Variants in CPED1 observed in about 807,000 individuals in gnomAD.
CPED1 encodes the protein cadherin like and PC-esterase domain containing 1.
A neutral mutation model predicts 128.2 loss-of-function variants in CPED1; 114 were observed. That is an observed-to-expected ratio of 0.89 (90% CI 0.76 to 1.04). CPED1 has a LOEUF of 1.04. Ranked by LOEUF, CPED1 falls within the 50% of genes least tolerant of loss-of-function variation. CPED1 has a pLI of 0.00. For missense variants in CPED1, 1,211 were observed against 1,207.1 expected, an observed-to-expected ratio of 1.00 and a Z score of -0.05; for synonymous variants, 462 against 426.7, an observed-to-expected ratio of 1.08 and a Z score of -1.02.
intron 16 of CPED1, among the ~76,000 whole-genome samples, chr7:121,147,655 G>T (rs570757597): frequency 9.2e-5 from 14 of 152,044 alleles, no homozygotes; most frequent in African/African-American, 3.4e-4. Flanking sequence ...TATACATTTT[G>T]CCCTCAAAAT....
chr7:121,269,874 T>C (rs1792198596), intron 21 of CPED1, among the ~76,000 whole-genome samples: 1 of 152,092 alleles, frequency 6.6e-6, no homozygotes, highest in Non-Finnish European at 1.5e-5. Context: ...CTCACTGTTC[T>C]GCAGACTATA....
chr7:121,232,059 G>A (rs1037256172), intron 16 of CPED1, among the ~76,000 whole-genome samples: 6 of 152,108 alleles, frequency 3.9e-5, no homozygotes, highest in Non-Finnish European at 7.4e-5. Context: ...AGCCACAGTA[G>A]AGGGTAACAC....
Position 121,130,268 on chromosome 7 carries a change from A to G in CPED1, c.1551A>G (p.Lys517=). The G allele has an allele frequency of 1.2e-6, 2 of 1,606,602 alleles. No individual in the cohort carries two copies. Among genetic ancestry groups the G allele is most frequent in the Non-Finnish European group, 1.7e-6 (2 of 1,177,290 alleles). The change falls in exon 12 of 23, where the codon AAA becomes AAG. Residue 517 remains lysine, a synonymous_variant. Coordinates refer to ENST00000310396, the MANE Select transcript of CPED1 (RefSeq NM_024913.5). ...NVFEQFQFMN[K]KTQPHPLEWN... is the part of the protein sequence containing the mutation. Reference sequence around the variant, plus strand: ...TTGAACAATTTCAGTTCATGAATAAAAAGACACAGCCACATCCACTGGAAT... The same window carrying G: ...TTGAACAATTTCAGTTCATGAATAAGAAGACACAGCCACATCCACTGGAAT...
At chr7:121,281,274 A>G (rs12539842) in intron 22 of CPED1, among the ~76,000 whole-genome samples, 6,664 of 152,248 alleles carry the variant, frequency 0.044, 223 homozygotes, top group Middle Eastern at 0.099. Context: ...CAGTTAATTG[A>G]TATGGCAATA....
chr7:120,996,530 T>C (rs1796408619), intron 2 of CPED1, among the ~76,000 whole-genome samples: 1 of 152,178 alleles, frequency 6.6e-6, no homozygotes, highest in Non-Finnish European at 1.5e-5. Context: ...GATCTGGATT[T>C]CCTCCTTGTG....
At chr7:121,070,594 A>AC (rs1793959394) in intron 5 of CPED1, among the ~76,000 whole-genome samples, 2 of 152,162 alleles carry the variant, frequency 1.3e-5, no homozygotes, top group Non-Finnish European at 2.9e-5. Flanking sequence ...TTGCATTTTT[A>AC]TAAAAGAAGC....
intron 17 of CPED1, among the ~76,000 whole-genome samples, chr7:121,242,696 ACT>A (rs1271602585): frequency 1.3e-5 from 2 of 151,980 alleles, no homozygotes; most frequent in African/African-American, 4.8e-5. Flanking sequence ...AGAACAAATG[ACT>A]CTGCATTCCT....
intron 16 of CPED1, among the ~76,000 whole-genome samples, chr7:121,222,460 A>C (rs1797903374): frequency 6.6e-6 from 1 of 152,034 alleles, no homozygotes; most frequent in Non-Finnish European, 1.5e-5. Flanking sequence ...GTTCCATATG[A>C]ATTTTAGAGT....
At chr7:121,237,056 A>G (rs1798275923) in intron 17 of CPED1, among the ~76,000 whole-genome samples, 1 of 152,134 alleles carries the variant, frequency 6.6e-6, no homozygotes, top group Non-Finnish European at 1.5e-5. Flanking sequence ...ATCCATATTC[A>G]TCTGCAGATA....
At chr7:121,131,611 C>T (rs776316655) in intron 12 of CPED1, among the ~76,000 whole-genome samples, 1 of 150,378 alleles carries the variant, frequency 6.6e-6, no homozygotes, top group Non-Finnish European at 1.5e-5. Flanking sequence ...AAGCAGTGTT[C>T]TGATCTTAAA....
At chr7:121,152,255 C>T (rs11983939) in intron 16 of CPED1, among the ~76,000 whole-genome samples, 15,536 of 152,104 alleles carry the variant, frequency 0.1, 848 homozygotes, top group South Asian at 0.17. Flanking sequence ...GCTCCCCACC[C>T]CTCCACATGC....
intron 6 of CPED1, among the ~76,000 whole-genome samples, chr7:121,098,592 C>T (rs1206752716): frequency 1.3e-5 from 2 of 151,158 alleles, no homozygotes; most frequent in African/African-American, 4.9e-5. Flanking sequence ...ATTAGCCAGG[C>T]ACAGTGGTGC....
chr7:121,169,366 C>T (rs1024646361), intron 16 of CPED1, among the ~76,000 whole-genome samples: 8 of 151,848 alleles, frequency 5.3e-5, no homozygotes, highest in Non-Finnish European at 1.0e-4. Context: ...TCCTATTTCC[C>T]GTTTTAAAAA....
intron 16 of CPED1, among the ~76,000 whole-genome samples, chr7:121,166,753 A>G (rs543899408): frequency 1.3e-5 from 2 of 152,312 alleles, no homozygotes; most frequent in African/African-American, 4.8e-5. Flanking sequence ...TAAAAAATAT[A>G]TACAGTAGGC....
intron 2 of CPED1, among the ~76,000 whole-genome samples, chr7:121,007,231 A>ATTTTTTTTT (rs398006038): frequency 6.2e-5 from 8 of 129,826 alleles, no homozygotes; most frequent in Non-Finnish European, 9.6e-5. Context: ...TTCAGGTTGC[A>ATTTTTTTTT]TTTTTTTTTT....
Position 121,211,613 on chromosome 7 carries a change from G to T in CPED1, c.2056-25101G>T, listed in dbSNP as rs1182054078. 4.8e-4 allele frequency among the ~76,000 whole-genome samples: 29 copies of T among 59,842 alleles called. No individual in the cohort carries two copies. The South Asian group carries it at 0.014, about 30-fold the overall frequency. The allele number at this position is 59,842 out of a possible 152,430, so 39.3% of individuals were successfully genotyped here. On this transcript the variant is annotated intron_variant, in intron 16 of 22. Coordinates refer to ENST00000310396, the MANE Select transcript of CPED1 (RefSeq NM_024913.5). ...CAGCTTGAACTATCACAGGGCTGTGGATTGTTGAGAATCAATGGCAGAAGG... is the reference window on the plus strand; with the variant it reads ...CAGCTTGAACTATCACAGGGCTGTGTATTGTTGAGAATCAATGGCAGAAGG...
intron 16 of CPED1, among the ~76,000 whole-genome samples, chr7:121,178,544 A>T (rs1354352747): frequency 3.3e-5 from 5 of 152,054 alleles, no homozygotes; most frequent in Admixed American, 2.6e-4. Context: ...TGGACAAAAA[A>T]GTTGTGCAGA....
rs189646125 is a variant in CPED1 at position 121,254,701 on chromosome 7, A to G, written c.2310+10363A>G. Among the ~76,000 whole-genome samples, 949 of 152,104 alleles carry G rather than the reference A, an allele frequency of 6.2e-3. 7 individuals carry two copies. Among genetic ancestry groups the G allele is most frequent in the Non-Finnish European group, 9.3e-3 (633 of 67,914 alleles). On this transcript the variant is annotated intron_variant, in intron 18 of 22. Coordinates refer to ENST00000310396, the MANE Select transcript of CPED1 (RefSeq NM_024913.5). ...AAAAAAGAGAGATCCAAATAAGTAC[A>G]ATCATAAATGACAAAGATGATATTA...
At chr7:120,994,657 G>GTGTGTGTGTTGT (rs148572524) in intron 2 of CPED1, among the ~76,000 whole-genome samples, 90 of 149,298 alleles carry the variant, frequency 6.0e-4, no homozygotes, top group African/African-American at 2.1e-3. Context: ...GTGTGTGTGT[G>GTGTGTGTGTTGT]TGTTGTTGTT....
Sources: allele counts gnomAD v4.1 joint callset (sites outside exome capture counted in the v4.1 genomes callset), GRCh38; gene constraint gnomAD v4.1.1; transcripts MANE v1.5; gene names NCBI Gene and HGNC (gene_info 2026-07-23, HGNC 2026-07-21).